The following PCDHA2 variants were observed in gnomAD, a reference collection of about 807,000 sequenced individuals.
The protein encoded by PCDHA2 is protocadherin alpha-2.
A neutral mutation model predicts 66.0 loss-of-function variants in PCDHA2; 58 were observed. The ratio of observed to expected loss-of-function variants is 0.88; its 90% CI spans 0.71 to 1.09. The LOEUF is 1.09. Ranked by LOEUF, PCDHA2 falls within the 50% of genes least tolerant of loss-of-function variation. The probability of loss-of-function intolerance (pLI) is 0.00; values close to 1 mark genes in which losing one functional copy is unlikely to be tolerated. For synonymous variants in PCDHA2, 634 were observed against 554.0 expected (o/e 1.14, Z -2.03); for missense variants, 1,267 against 1,242.3 (o/e 1.02, Z -0.30).
At chr5:140,921,965 A>T (rs1459699467) in intron 1 of PCDHA2, among the ~76,000 whole-genome samples, 1 of 152,112 alleles carries the variant, frequency 6.6e-6, no homozygotes. Flanking sequence ...AGAAAACCAA[A>T]GGAAAAAATA....
chr5:140,797,108 T>C lies in PCDHA2; in HGVS notation c.2144T>C (p.Val715Ala). 17 of 1,614,012 alleles carry C rather than the reference T, an allele frequency of 1.1e-5. No individual in the cohort carries two copies. Among genetic ancestry groups the C allele is most frequent in the Non-Finnish European group, 1.4e-5 (17 of 1,179,960 alleles). Residue 715 changes from valine (V) to alanine (A), a missense_variant, in exon 1 of 4, where the codon GTG (valine) becomes GCG (alanine). Coordinates refer to ENST00000526136, the MANE Select transcript of PCDHA2 (RefSeq NM_018905.3). ...CAVSSLLVLT[V>A]LLYTALRCSV... Reference sequence around the variant, plus strand: ...GTATCCAGCCTGTTGGTGCTCACGGTGCTGCTGTACACTGCGCTGCGGTGC... The same window carrying C: ...GTATCCAGCCTGTTGGTGCTCACGGCGCTGCTGTACACTGCGCTGCGGTGC...
In PCDHA2 at chr5:140,829,168, A is replaced by G. The variant is rs113613407; in HGVS notation, c.2388+31816A>G. On this transcript the variant is annotated intron_variant, in intron 1 of 3. Coordinates refer to ENST00000526136, the MANE Select transcript of PCDHA2 (RefSeq NM_018905.3). ...CACTGACTTCCTTATCCTTGCCTGTACGTGAAGACGCTCAATTTGGTACTG... is the reference window on the plus strand; with the variant it reads ...CACTGACTTCCTTATCCTTGCCTGTGCGTGAAGACGCTCAATTTGGTACTG... The G allele has an allele frequency of 3.0e-3, 4,904 of 1,614,084 alleles. 121 individuals carry two copies. The African/African-American group carries it at 0.055, about 18-fold the overall frequency.
intron 1 of PCDHA2, chr5:140,854,273 T>C (rs1180521058): frequency 1.8e-6 from 1 of 562,180 alleles, no homozygotes; most frequent in Non-Finnish European, 2.3e-6. Flanking sequence ...TTAGTAGAAA[T>C]TGAGTTTAGT....
intron 1 of PCDHA2, among the ~76,000 whole-genome samples, chr5:140,909,201 C>G (rs1379290108): frequency 6.6e-6 from 1 of 152,136 alleles, no homozygotes; most frequent in Non-Finnish European, 1.5e-5. Flanking sequence ...GACACAAAGC[C>G]GGAGAGTTGA....
Position 140,929,475 on chromosome 5 carries a change from G to A in PCDHA2, c.2389-49474G>A, listed in dbSNP as rs1554207114. ...ACTTCCTGTGCCAAGAAATCTGGAA[G>A]TATAGAAGTATTAGAAGATTGCCCT... is the stretch of plus-strand genomic sequence containing the variant. On this transcript the variant is annotated intron_variant, in intron 1 of 3. Transcript: ENST00000526136. The A allele has an allele frequency of 4.0e-6, 5 of 1,251,128 alleles. No individual in the cohort carries two copies. The Middle Eastern group carries it at 8.1e-4, about 202-fold the overall frequency. The allele number at this position is 1,251,128 out of a possible 1,614,324, so 77.5% of individuals were successfully genotyped here. A position where few individuals can be genotyped will look rare whatever the true frequency, so the allele number is the denominator to read the frequency against.
chr5:140,838,330 C>T lies in PCDHA2; in HGVS notation c.2388+40978C>T, dbSNP rs113888727. 2.6e-3 allele frequency among the ~76,000 whole-genome samples: 382 copies of T among 147,588 alleles called. 4 individuals carry two copies. The highest frequency in any genetic ancestry group is 9.4e-3 in the African/African-American group (367 of 39,126). The stretch of plus-strand genomic sequence containing the variant: ...GTAGAAACAGAGTTTCACCATGTTG[C>T]CCCGGCTGGTCTCGAAATCTGGGAC... On this transcript the variant is annotated intron_variant, in intron 1 of 3. Coordinates refer to ENST00000526136, the MANE Select transcript of PCDHA2 (RefSeq NM_018905.3).
chr5:140,797,053 A>C lies in PCDHA2; in HGVS notation c.2089A>C (p.Asn697His), dbSNP rs782011696. The change falls in exon 1 of 4, where the codon AAC becomes CAC. Residue 697 changes from asparagine (N) to histidine (H), a missense_variant. By Grantham distance (68) the Asn-to-His change is moderately conservative (BLOSUM62 1). Coordinates refer to ENST00000526136, the MANE Select transcript of PCDHA2 (RefSeq NM_018905.3). The stretch of plus-strand genomic sequence containing the variant: ...CTCAGAGGCTACGCTGGTGGATGTC[A>C]ACGTGTACCTGATCATCGCCATCTG... ...AGSEATLVDV[N>H]VYLIIAICAV... The C allele has an allele frequency of 6.2e-7, 1 of 1,613,726 alleles. No homozygotes were observed. The highest frequency in any genetic ancestry group is 8.5e-7 in the Non-Finnish European group (1 of 1,179,954).
rs782623559 is a variant in PCDHA2 at position 141,009,752 on chromosome 5, A to G, written c.2662A>G (p.Ile888Val). The G allele has an allele frequency of 3.1e-6, 5 of 1,614,086 alleles. No homozygotes were observed. Among genetic ancestry groups the G allele is most frequent in the East Asian group, 4.5e-5 (2 of 44,882 alleles). The change falls in exon 4 of 4, where the codon ATC becomes GTC. Residue 888 changes from isoleucine (I) to valine (V), a missense_variant. Physicochemically the swap from Ile to Val is conservative, Grantham distance 29. Transcript: ENST00000526136. ...CGGTGAGTTGCCCGACAAATTCATT[A>G]TCCCAGGATCTCCTGCAATCATCTC... ...GPGELPDKFIIPGSPAIISIR... is the reference protein window; with the variant it reads ...GPGELPDKFIVPGSPAIISIR...
chr5:140,803,163 G>T, intron 1 of PCDHA2: 1 of 1,613,882 alleles, frequency 6.2e-7, no homozygotes, highest in Admixed American at 1.7e-5. Flanking sequence ...GGACCACGGT[G>T]AACCCTCATT....
At chr5:140,876,724 G>T (rs140611870) in intron 1 of PCDHA2, 2 of 1,614,246 alleles carry the variant, frequency 1.2e-6, no homozygotes, top group Non-Finnish European at 1.7e-6. Context: ...CCGCGAGAGC[G>T]TGTCGGCCTA....
intron 1 of PCDHA2, among the ~76,000 whole-genome samples, chr5:140,921,048 T>C (rs1554200052): frequency 6.6e-6 from 1 of 152,052 alleles, no homozygotes; most frequent in African/African-American, 2.4e-5. Context: ...GGGGCAATCA[T>C]AGCTCACTCT....
chr5:140,935,765 A>G (rs1554210670), intron 1 of PCDHA2, among the ~76,000 whole-genome samples: 1 of 152,080 alleles, frequency 6.6e-6, no homozygotes, highest in Non-Finnish European at 1.5e-5. Flanking sequence ...ATTCTTCCCC[A>G]CTTTGAGTTT....
At position 140,946,631 on chromosome 5, in the gene PCDHA2, T is replaced by TATATATATATACAC. The variant is rs57893927; in HGVS notation, c.2389-32317_2389-32316insTATATATATACACA. Among the ~76,000 whole-genome samples, 93 of 131,838 alleles carry TATATATATATACAC rather than the reference T, an allele frequency of 7.1e-4. 3 individuals carry two copies. Among genetic ancestry groups the TATATATATATACAC allele is most frequent in the East Asian group, 2.3e-3 (11 of 4,866 alleles). 86.5% of individuals were successfully genotyped at this position (131,838 alleles called of 152,430 possible). A position where few individuals can be genotyped will look rare whatever the true frequency, so the allele number is the denominator to read the frequency against. ...TGTGAAATATATATATATATATATA[T>TATATATATATACAC]ACAATGGAATACTCATCAGCCATTA... On this transcript the variant is annotated intron_variant, in intron 1 of 3. Transcript: ENST00000526136.
At position 140,796,300 on chromosome 5, in the gene PCDHA2, G is replaced by A. The variant is rs558179356; in HGVS notation, c.1336G>A (p.Ala446Thr). ...CACCACCAGCGTGTCCATCGAGGTG[G>A]CCGACGTGAACGACAACGCGCCGGC... is the stretch of plus-strand genomic sequence containing the variant. ...WATTSVSIEV[A>T]DVNDNAPAFA... The change falls in exon 1 of 4, where the codon GCC becomes ACC. Residue 446 changes from alanine to threonine, a missense_variant. Coordinates refer to ENST00000526136, the MANE Select transcript of PCDHA2 (RefSeq NM_018905.3). 2.5e-6 allele frequency: 4 copies of A among 1,614,144 alleles called. No individual in the cohort carries two copies. The African/African-American group carries it at 5.3e-5, about 22-fold the overall frequency.
chr5:140,966,712 TG>T, intron 1 of PCDHA2: 1 of 1,392,090 alleles, frequency 7.2e-7, no homozygotes, highest in South Asian at 1.6e-5. Context: ...GGGGCACGGC[TG>T]GGGAAGCTGC....
intron 1 of PCDHA2, chr5:140,800,881 T>C (rs1762608954): frequency 3.3e-6 from 1 of 299,278 alleles, no homozygotes; most frequent in Non-Finnish European, 5.8e-6. Context: ...AGATAAAATA[T>C]AAGGACTTTG....
rs1263474406 is a variant in PCDHA2, at chr5:140,967,341, A to G, written c.2389-11608A>G. ...ACCTACGAGCTCAGCCCCAGCGAGCACTTCGAGCTGGACCTTAAGCCCCTG... is the reference window on the plus strand; with the variant it reads ...ACCTACGAGCTCAGCCCCAGCGAGCGCTTCGAGCTGGACCTTAAGCCCCTG... On this transcript the variant is annotated intron_variant, in intron 1 of 3. Coordinates refer to ENST00000526136, the MANE Select transcript of PCDHA2 (RefSeq NM_018905.3). 3 of 1,607,922 alleles carry G rather than the reference A, an allele frequency of 1.9e-6. No homozygotes were observed. The highest frequency in any genetic ancestry group is 1.3e-5 in the African/African-American group (1 of 74,782).
At chr5:140,945,190 G>A (rs1372387920) in intron 1 of PCDHA2, among the ~76,000 whole-genome samples, 1 of 152,000 alleles carries the variant, frequency 6.6e-6, no homozygotes, top group Non-Finnish European at 1.5e-5. Flanking sequence ...AGAAAACCAT[G>A]CTATTTACAA....
In PCDHA2 at chr5:140,848,623, C is replaced by A. The variant is rs186780543; in HGVS notation, c.2388+51271C>A. 2.4e-3 allele frequency: 3,747 copies of A among 1,588,346 alleles called. 451 individuals carry two copies. Among genetic ancestry groups the A allele is most frequent in the Middle Eastern group, 8.5e-3 (48 of 5,656 alleles). On this transcript the variant is annotated intron_variant, in intron 1 of 3. Coordinates refer to ENST00000526136, the MANE Select transcript of PCDHA2 (RefSeq NM_018905.3). ...GTCCCGGAGGAAGCCGAACACGGCA[C>A]CTTCGTGGGCCGCATCGCGCAGGAC...
Sources: allele counts gnomAD v4.1 joint callset (sites outside exome capture counted in the v4.1 genomes callset), GRCh38; gene constraint gnomAD v4.1.1; transcripts MANE v1.5; gene names NCBI Gene and HGNC (gene_info 2026-07-23, HGNC 2026-07-21).